RAPGEF4: variants seen among roughly 807,000 people sequenced by gnomAD.
The protein encoded by RAPGEF4 is Rap guanine nucleotide exchange factor 4, also known as RAP guanine-nucleotide-exchange factor (GEF) 4.
A neutral mutation model predicts 147.9 loss-of-function variants in RAPGEF4; 66 were observed. The ratio of observed to expected loss-of-function variants is 0.45; its 90% CI spans 0.37 to 0.55. The LOEUF is 0.55. Ranked by LOEUF, RAPGEF4 falls within the 20% of genes least tolerant of loss-of-function variation. The probability of loss-of-function intolerance (pLI) is 0.00; values close to 1 mark genes in which losing one functional copy is unlikely to be tolerated. For missense variants in RAPGEF4, 1,071 were observed against 1,257.3 expected, an observed-to-expected ratio of 0.85 and a Z score of 2.24; for synonymous variants, 419 against 442.7, an observed-to-expected ratio of 0.95 and a Z score of 0.67.
chr2:172,765,419 C>G (rs1184587864), intron 1 of RAPGEF4, among the ~76,000 whole-genome samples: 1 of 152,206 alleles, frequency 6.6e-6, no homozygotes, highest in East Asian at 1.9e-4. Flanking sequence ...TTTTCCTAAA[C>G]TATTTTGAAG....
chr2:172,983,531 T>A lies in RAPGEF4; in HGVS notation c.1040T>A (p.Ile347Asn). The part of the protein sequence containing the change: ...GQRTVDDLEI[I>N]YEELLHIKAL... ...AGGACTGTGGATGACCTAGAGATTA[T>A]CTATGAGGAGCTTCTTCATATTAAA... Residue 347 changes from isoleucine to asparagine, a missense_variant, in exon 11 of 31, where the codon ATC becomes AAC. Coordinates refer to ENST00000397081, the MANE Select transcript of RAPGEF4 (RefSeq NM_007023.4). 1 of 1,613,558 alleles carries A rather than the reference T, an allele frequency of 6.2e-7. No homozygotes were observed. The highest frequency in any genetic ancestry group is 8.5e-7 in the Non-Finnish European group (1 of 1,179,944).
At chr2:172,976,274 C>T (rs1691056738) in intron 10 of RAPGEF4, among the ~76,000 whole-genome samples, 1 of 152,078 alleles carries the variant, frequency 6.6e-6, no homozygotes, top group South Asian at 2.1e-4. Flanking sequence ...TGTGCAGTCA[C>T]CAGGTTCCTG....
At chr2:172,748,522 T>A (rs1046030391) in intron 1 of RAPGEF4, among the ~76,000 whole-genome samples, 1 of 152,096 alleles carries the variant, frequency 6.6e-6, no homozygotes, top group Non-Finnish European at 1.5e-5. Context: ...AAGAACAGAA[T>A]TGGGGAAGCT....
Position 172,750,348 on chromosome 2 carries a change from G to A in RAPGEF4, c.65+14300G>A, listed in dbSNP as rs549207183. ...GGAGGCCTCACAATCATGGCAGAAG[G>A]TGAAAGGCACCTCTTATATTGGCGG... On this transcript the variant is annotated intron_variant, in intron 1 of 30. Transcript: ENST00000397081. Among the ~76,000 whole-genome samples, 8 of 152,110 alleles carry A rather than the reference G, an allele frequency of 5.3e-5. No individual in the cohort carries two copies. In the South Asian group the frequency reaches 1.2e-3, roughly 24 times the overall value.
chr2:172,741,521 T>A (rs1191098701), intron 1 of RAPGEF4, among the ~76,000 whole-genome samples: 3 of 152,254 alleles, frequency 2.0e-5, no homozygotes, highest in Non-Finnish European at 4.4e-5. Flanking sequence ...ATGTGAATAC[T>A]TTTTTAAAAA....
At chr2:172,741,920 A>G (rs1004913484) in intron 1 of RAPGEF4, among the ~76,000 whole-genome samples, 4 of 152,108 alleles carry the variant, frequency 2.6e-5, no homozygotes, top group African/African-American at 9.7e-5. Flanking sequence ...TGATCTTCCC[A>G]CCTTGGCCTC....
chr2:172,984,865 A>C lies in RAPGEF4; in HGVS notation c.1090-568A>C, dbSNP rs536850769. Among the ~76,000 whole-genome samples the C allele has an allele frequency of 2.0e-5, 3 of 152,188 alleles. No homozygotes were observed. The South Asian group carries it at 6.2e-4, about 32-fold the overall frequency. On this transcript the variant is annotated intron_variant, in intron 11 of 30. Coordinates refer to ENST00000397081, the MANE Select transcript of RAPGEF4 (RefSeq NM_007023.4). Reference sequence around the variant, plus strand: ...CCCAGGCATAGAAAAATCTCAAGTTACTGGGTTCTTAGGAAGATAGAGCCA... The same window carrying C: ...CCCAGGCATAGAAAAATCTCAAGTTCCTGGGTTCTTAGGAAGATAGAGCCA...
intron 4 of RAPGEF4, among the ~76,000 whole-genome samples, chr2:172,890,254 G>A (rs543716059): frequency 2.6e-5 from 4 of 152,296 alleles, no homozygotes; most frequent in Admixed American, 6.5e-5. Flanking sequence ...GATAAGAGCC[G>A]GGGCTTAGAG....
At chr2:172,955,494 T>C (rs1302127841) in intron 6 of RAPGEF4, among the ~76,000 whole-genome samples, 2 of 152,214 alleles carry the variant, frequency 1.3e-5, no homozygotes, top group East Asian at 3.9e-4. Context: ...TGCCTCTGCC[T>C]TTATCTGTCC....
chr2:172,837,544 G>A (rs914313991), intron 4 of RAPGEF4, among the ~76,000 whole-genome samples: 1 of 152,156 alleles, frequency 6.6e-6, no homozygotes, highest in African/African-American at 2.4e-5. Context: ...AATAAATGCA[G>A]TTTCAACCTT....
chr2:172,939,491 T>C (rs1040683680), intron 6 of RAPGEF4, among the ~76,000 whole-genome samples: 2 of 152,166 alleles, frequency 1.3e-5, no homozygotes, highest in East Asian at 1.9e-4. Flanking sequence ...AATTTGGTTC[T>C]TTTCTTATTG....
At chr2:172,737,290 T>G (rs959087536) in intron 1 of RAPGEF4, among the ~76,000 whole-genome samples, 1 of 152,220 alleles carries the variant, frequency 6.6e-6, no homozygotes, top group Non-Finnish European at 1.5e-5. Flanking sequence ...AAGTAATAGT[T>G]AAATCACACA....
chr2:172,931,289 A>G (rs1295712158), intron 6 of RAPGEF4, among the ~76,000 whole-genome samples: 1 of 151,464 alleles, frequency 6.6e-6, no homozygotes, highest in Admixed American at 6.6e-5. Flanking sequence ...GTAATTCTAG[A>G]TAAGATCACA....
At chr2:172,739,520 C>T (rs1031349977) in intron 1 of RAPGEF4, among the ~76,000 whole-genome samples, 1 of 152,002 alleles carries the variant, frequency 6.6e-6, no homozygotes, top group African/African-American at 2.4e-5. Flanking sequence ...TACAGGCACA[C>T]ACCACCATGC....
intron 1 of RAPGEF4, among the ~76,000 whole-genome samples, chr2:172,747,165 A>G (rs1037925979): frequency 3.9e-5 from 6 of 152,222 alleles, no homozygotes; most frequent in Admixed American, 1.3e-4. Flanking sequence ...GCAGCGTTAG[A>G]ACAGCCTTAT....
chr2:173,004,746 T>C (rs1559178094), intron 17 of RAPGEF4, among the ~76,000 whole-genome samples: 1 of 152,084 alleles, frequency 6.6e-6, no homozygotes, highest in Non-Finnish European at 1.5e-5. Context: ...CTCACCACCA[T>C]TAATAAATTT....
At chr2:172,741,260 A>G (rs1308715170) in intron 1 of RAPGEF4, among the ~76,000 whole-genome samples, 1 of 152,244 alleles carries the variant, frequency 6.6e-6, no homozygotes. Flanking sequence ...TGGCCTGCTT[A>G]CTTCTCTTTT....
intron 4 of RAPGEF4, among the ~76,000 whole-genome samples, chr2:172,815,680 A>C (rs545610238): frequency 6.6e-6 from 1 of 152,178 alleles, no homozygotes; most frequent in East Asian, 1.9e-4. Flanking sequence ...TGGTTTTCAG[A>C]ACAAAAATGA....
At chr2:173,030,621 C>A (rs1697104136) in intron 26 of RAPGEF4, among the ~76,000 whole-genome samples, 1 of 152,148 alleles carries the variant, frequency 6.6e-6, no homozygotes, top group Admixed American at 6.6e-5. Context: ...TTGCTTTTGC[C>A]ATAAATCTTA....
Sources: gnomAD v4.1 joint callset for allele counts (sites outside exome capture counted in the v4.1 genomes callset) on GRCh38, gnomAD v4.1.1 for gene constraint, MANE v1.5 for transcripts, NCBI Gene and HGNC (gene_info 2026-07-23, HGNC 2026-07-21) for gene names.